Variants in MYBPC2 observed in about 807,000 individuals in gnomAD.
MYBPC2 encodes myosin binding protein C2, also known as myosin-binding protein C, fast-type.
In MYBPC2, 122 loss-of-function variants were observed where a neutral mutation model predicts 137.0. The observed-to-expected ratio is 0.89, with a 90% CI of 0.77 to 1.03. The LOEUF is 1.03. Among genes scored for constraint, MYBPC2 ranks in the 50% least tolerant of loss-of-function variants. The pLI is 0.00. For missense variants in MYBPC2, 1,500 were observed against 1,534.4 expected (o/e 0.98, Z 0.37); for synonymous variants, 626 against 612.3 (o/e 1.02, Z -0.33).
intron 7 of MYBPC2, among the ~76,000 whole-genome samples, chr19:50,439,292 T>A (rs2039730669): frequency 6.7e-6 from 1 of 149,676 alleles, no homozygotes; most frequent in Admixed American, 6.7e-5. Flanking sequence ...CACCCACCTG[T>A]CTTCCCCCAA....
intron 21 of MYBPC2, 49 bp downstream of exon 21, chr19:50,458,803 C>T (rs753856496): frequency 1.2e-6 from 2 of 1,603,322 alleles, no homozygotes; most frequent in African/African-American, 1.3e-5. Context: ...TGGCGTCGTC[C>T]CGCCTGCCCT....
intron 11 of MYBPC2, 105 bp downstream of exon 11, chr19:50,443,921 C>A (rs1601285441): frequency 9.3e-7 from 1 of 1,073,282 alleles, no homozygotes; most frequent in Non-Finnish European, 1.4e-6. Context: ...AGATTTCTGA[C>A]CTTTACTCAG....
intron 26 of MYBPC2, among the ~76,000 whole-genome samples, chr19:50,462,482 A>C (rs1250901627): frequency 1.3e-5 from 2 of 149,730 alleles, no homozygotes; most frequent in African/African-American, 4.9e-5. Context: ...CCACGCCCAG[A>C]CTGGACTTGC....
At chr19:50,452,422 A>G (rs972669887) in intron 16 of MYBPC2, among the ~76,000 whole-genome samples, 2 of 132,102 alleles carry the variant, frequency 1.5e-5, no homozygotes, top group Non-Finnish European at 1.7e-5. Flanking sequence ...ATCTATCTAT[A>G]TAATCTATCT....
chr19:50,433,411 G>GGT (rs1555795755), intron 1 of MYBPC2, among the ~76,000 whole-genome samples: 3 of 110,126 alleles, frequency 2.7e-5, no homozygotes, highest in African/African-American at 3.7e-5. Context: ...TTTGGTTTTT[G>GGT]GTTTTTTTTT....
chr19:50,436,835 G>A, intron 5 of MYBPC2, 101 bp downstream of exon 5: 1 of 1,066,546 alleles, frequency 9.4e-7, no homozygotes, highest in Non-Finnish European at 1.4e-6. Context: ...ATGGGCATGA[G>A]GTGGGCACAG....
chr19:50,442,385 A>G (rs2039764479), intron 9 of MYBPC2, 72 bp downstream of exon 9: 2 of 1,550,800 alleles, frequency 1.3e-6, no homozygotes, highest in Admixed American at 1.9e-5. Flanking sequence ...GACAAGGCCT[A>G]TCACTCTTAA....
rs1215506260 is a variant in MYBPC2, at chr19:50,466,300, G to A, written c.*95G>A. On this transcript the variant is annotated 3_prime_UTR_variant, in exon 28 of 28. Transcript: ENST00000357701. This position sits in a 1 kb window ranked among gnomAD's most constrained non-coding sequence, Gnocchi z 4.9. ...GTGTTCTTTCTGGAGTTTTCGCTGA[G>A]AACAAAACAGTGTTGTCTGGACCCT... The A allele has an allele frequency of 4.5e-6, 7 of 1,544,318 alleles. No individual in the cohort carries two copies. In the East Asian group the frequency reaches 1.4e-4, roughly 30 times the overall value.
chr19:50,439,565 CT>C (rs1316281231), intron 7 of MYBPC2, among the ~76,000 whole-genome samples: 3 of 139,404 alleles, frequency 2.2e-5, no homozygotes, highest in Non-Finnish European at 4.7e-5. Flanking sequence ...CACTCACTCT[CT>C]CACCCATCAA....
At position 50,454,112 on chromosome 19, in the gene MYBPC2, C is replaced by G; in HGVS notation, c.1842C>G (p.Gly614=). 6.2e-7 allele frequency: 1 copy of G among 1,612,878 alleles called. No homozygotes were observed. The highest frequency in any genetic ancestry group is 8.5e-7 in the Non-Finnish European group (1 of 1,179,448). ...VIESAQREDE[G]RYTIKVTNPV... ...AGAGTGCGCAGCGGGAAGACGAGGG[C>G]CGCTACACCATCAAGGTCACCAACC... The change falls in exon 17 of 28, where the codon GGC becomes GGG. Residue 614 remains glycine, a synonymous_variant. Transcript: ENST00000357701.
intron 22 of MYBPC2, 29 bp from the exon 23 acceptor site, chr19:50,459,081 AC>A: frequency 1.3e-6 from 2 of 1,549,902 alleles, no homozygotes; most frequent in Non-Finnish European, 1.7e-6. Context: ...AGCCCCGCTG[AC>A]CCCACCCCGC....
intron 12 of MYBPC2, 148 bp downstream of exon 12, chr19:50,446,200 G>A: frequency 9.7e-7 from 1 of 1,035,584 alleles, no homozygotes; most frequent in East Asian, 2.7e-5. Flanking sequence ...AGATCTGATG[G>A]CTCCAGCTTC....
intron 1 of MYBPC2, among the ~76,000 whole-genome samples, chr19:50,433,846 C>A (rs1162177047): frequency 1.3e-5 from 2 of 152,158 alleles, no homozygotes; most frequent in African/African-American, 4.8e-5. Context: ...GATACCGAGG[C>A]AGGAGGATTG....
chr19:50,458,075 G>A (rs757737209), intron 20 of MYBPC2, among the ~76,000 whole-genome samples: 6 of 151,670 alleles, frequency 4.0e-5, no homozygotes, highest in Non-Finnish European at 7.4e-5. Context: ...ACTTTGGGAG[G>A]CCGAGGTGGG....
intron 24 of MYBPC2, 24 bp from the exon 25 acceptor site, chr19:50,461,518 G>T: frequency 1.9e-6 from 3 of 1,608,468 alleles, no homozygotes; most frequent in Non-Finnish European, 2.5e-6. Context: ...CGACCCGCCT[G>T]GTCCCTCCCT....
At chr19:50,441,497 C>T (rs1438761007) in intron 8 of MYBPC2, among the ~76,000 whole-genome samples, 1 of 152,290 alleles carries the variant, frequency 6.6e-6, no homozygotes, top group Non-Finnish European at 1.5e-5. Context: ...TCTGGGGTAG[C>T]CCTGTTCCGC....
rs919686251 is a variant in MYBPC2 at position 50,451,969 on chromosome 19, C to T, written c.1715C>T (p.Pro572Leu). The change falls in exon 16 of 28, where the codon CCC (proline) becomes CTC (leucine). Residue 572 changes from proline (P) to leucine (L), a missense_variant. Transcript: ENST00000357701. ...LRLDVSITGE[P>L]PPVATWLKGD... is the part of the protein sequence containing the mutation. ...CTTGACGTGTCCATCACAGGGGAGC[C>T]CCCTCCCGTCGCTACCTGGCTGAAG... is the stretch of plus-strand genomic sequence containing the variant. 1.3e-6 allele frequency: 2 copies of T among 1,554,554 alleles called. No individual in the cohort carries two copies. Among genetic ancestry groups the T allele is most frequent in the Admixed American group, 3.9e-5 (2 of 51,148 alleles).
At chr19:50,460,291 G>A (rs1201170491) in intron 24 of MYBPC2, 112 bp downstream of exon 24, 12 of 1,415,810 alleles carry the variant, frequency 8.5e-6, no homozygotes, top group South Asian at 4.5e-5. Flanking sequence ...GCTAGAGGAC[G>A]GGCTGGGGCC....
chr19:50,460,927 G>C (rs1366428751), intron 24 of MYBPC2, among the ~76,000 whole-genome samples: 2 of 151,958 alleles, frequency 1.3e-5, no homozygotes, highest in African/African-American at 4.8e-5. Context: ...CTGGACCCAA[G>C]TCATCCTCCC....
Sources: gnomAD v4.1 joint callset for allele counts (sites outside exome capture counted in the v4.1 genomes callset) on GRCh38, gnomAD v4.1.1 for gene constraint, Gnocchi (gnomAD v3.1) non-coding constraint, MANE v1.5 for transcripts, NCBI Gene and HGNC (gene_info 2026-07-23, HGNC 2026-07-21) for gene names.